The following AKAP13 variants were observed in gnomAD, a reference collection of about 807,000 sequenced individuals.
The protein encoded by AKAP13 is A-kinase anchor protein 13.
AKAP13 carries 80 observed loss-of-function variants against 264.5 expected under a neutral mutation model. That is an observed-to-expected ratio of 0.30 (90% CI 0.25 to 0.36). AKAP13 has a LOEUF of 0.36. Among genes scored for constraint, AKAP13 ranks in the 10% least tolerant of loss-of-function variants. The pLI is 1.00. For missense variants in AKAP13, 3,712 were observed against 3,435.2 expected (o/e 1.08, Z -2.01); for synonymous variants, 1,380 against 1,250.2 (o/e 1.10, Z -2.19).
intron 9 of AKAP13, among the ~76,000 whole-genome samples, chr15:85,643,446 T>G (rs1237991754): frequency 6.6e-6 from 1 of 152,212 alleles, no homozygotes; most frequent in Non-Finnish European, 1.5e-5. Flanking sequence ...ATTCAGTGAT[T>G]ATCACTAATT....
chr15:85,662,189 G>A (rs1044114672), intron 12 of AKAP13, among the ~76,000 whole-genome samples: 2 of 152,156 alleles, frequency 1.3e-5, no homozygotes, highest in Admixed American at 6.5e-5. Flanking sequence ...GTCTAGACAA[G>A]AAGAAAATAT....
intron 4 of AKAP13, chr15:85,534,093 G>A (rs1424280660): frequency 3.8e-6 from 2 of 520,370 alleles, no homozygotes; most frequent in African/African-American, 1.9e-5. Flanking sequence ...ATGACCCTAG[G>A]GATTACCCAA....
intron 1 of AKAP13, among the ~76,000 whole-genome samples, chr15:85,480,104 CAG>C (rs1285326681): frequency 6.6e-6 from 1 of 152,086 alleles, no homozygotes; most frequent in African/African-American, 2.4e-5. Flanking sequence ...AATTAAGAAA[CAG>C]ATTATTTAGG....
intron 1 of AKAP13, among the ~76,000 whole-genome samples, chr15:85,424,744 T>C (rs2072691028): frequency 6.6e-6 from 1 of 152,230 alleles, no homozygotes; most frequent in Non-Finnish European, 1.5e-5. Context: ...CCTTCCTTGC[T>C]AACCTTAATT....
At chr15:85,590,197 C>A (rs1379792303) in intron 8 of AKAP13, among the ~76,000 whole-genome samples, 1 of 152,178 alleles carries the variant, frequency 6.6e-6, no homozygotes, top group Non-Finnish European at 1.5e-5. Flanking sequence ...ATTCCTGTAT[C>A]TTATGCTTTG....
intron 3 of AKAP13, among the ~76,000 whole-genome samples, chr15:85,529,605 T>G (rs2077186256): frequency 6.6e-6 from 1 of 152,154 alleles, no homozygotes; most frequent in Admixed American, 6.5e-5. Flanking sequence ...AAATGCTGAT[T>G]TACCCCCCAG....
intron 4 of AKAP13, among the ~76,000 whole-genome samples, chr15:85,537,223 A>G (rs1055209124): frequency 5.9e-5 from 9 of 152,064 alleles, no homozygotes; most frequent in South Asian, 4.2e-4. Flanking sequence ...GTTGAGGGAC[A>G]AATGTAATGG....
intron 1 of AKAP13, among the ~76,000 whole-genome samples, chr15:85,431,046 T>G (rs1269707641): frequency 2.0e-5 from 3 of 152,178 alleles, no homozygotes; most frequent in Non-Finnish European, 4.4e-5. Flanking sequence ...TAATGAGAGA[T>G]AAAGGTCATA....
chr15:85,387,479 C>G (rs1183122993), intron 1 of AKAP13, among the ~76,000 whole-genome samples: 6 of 152,224 alleles, frequency 3.9e-5, no homozygotes, highest in Non-Finnish European at 8.8e-5. Flanking sequence ...CACAGTCATG[C>G]ACTACCTGGC....
At chr15:85,559,334 C>A (rs1376821696) in intron 5 of AKAP13, among the ~76,000 whole-genome samples, 1 of 152,000 alleles carries the variant, frequency 6.6e-6, no homozygotes, top group Non-Finnish European at 1.5e-5. Flanking sequence ...AAATAGAAAT[C>A]TCTATTTCAG....
At chr15:85,452,083 G>A (rs186460219) in intron 1 of AKAP13, among the ~76,000 whole-genome samples, 4 of 151,706 alleles carry the variant, frequency 2.6e-5, no homozygotes, top group South Asian at 4.2e-4. Context: ...CTTTATTTCC[G>A]TCTGTCTTAT....
In AKAP13 at chr15:85,558,651, A is replaced by T. The variant is rs2078237179; in HGVS notation, c.662+14696A>T. The stretch of plus-strand genomic sequence containing the variant: ...GTATGGAACACATCGCTTCTCCATT[A>T]AGTTGGAAGCTTGTTAATCAGCTGA... On this transcript the variant is annotated intron_variant, in intron 5 of 36. Coordinates refer to ENST00000394518, the MANE Select transcript of AKAP13 (RefSeq NM_007200.5). 1.3e-5 allele frequency among the ~76,000 whole-genome samples: 2 copies of T among 152,220 alleles called. 1 individual carries two copies. The highest frequency in any genetic ancestry group is 4.1e-4 in the South Asian group (2 of 4,830).
At chr15:85,554,633 G>A (rs1596511054) in intron 5 of AKAP13, among the ~76,000 whole-genome samples, 1 of 150,996 alleles carries the variant, frequency 6.6e-6, no homozygotes, top group South Asian at 2.1e-4. Context: ...TTCTTTTTTG[G>A]TTCATTAGAA....
chr15:85,674,357 C>A (rs183270296), intron 14 of AKAP13, among the ~76,000 whole-genome samples: 1 of 152,162 alleles, frequency 6.6e-6, no homozygotes, highest in Non-Finnish European at 1.5e-5. Flanking sequence ...TGTGTATAAG[C>A]TGTATATGAA....
chr15:85,478,176 T>C (rs2075236938), intron 1 of AKAP13, among the ~76,000 whole-genome samples: 3 of 152,252 alleles, frequency 2.0e-5, no homozygotes, highest in Admixed American at 2.0e-4. Flanking sequence ...GAACCACATA[T>C]TATTTATTGC....
intron 1 of AKAP13, among the ~76,000 whole-genome samples, chr15:85,409,688 C>T (rs867818654): frequency 4.8e-5 from 7 of 145,120 alleles, no homozygotes; most frequent in Admixed American, 1.4e-4. Context: ...TGGAGTGCAG[C>T]GGTGCGATCT....
At chr15:85,627,761 G>A (rs56153788) in intron 8 of AKAP13, 23,854 of 152,174 alleles carry the variant, frequency 0.16, 2,239 homozygotes, top group Non-Finnish European at 0.22. Context: ...CGATTGTGAC[G>A]TAGTGTGCAC....
chr15:85,707,811 A>G (rs2151689058), intron 17 of AKAP13, among the ~76,000 whole-genome samples: 1 of 152,108 alleles, frequency 6.6e-6, no homozygotes, highest in South Asian at 2.1e-4. Context: ...GAAAAAAAAA[A>G]AATCACATCT....
intron 8 of AKAP13, among the ~76,000 whole-genome samples, chr15:85,619,120 G>A (rs76602785): frequency 0.013 from 1,996 of 152,170 alleles, 62 homozygotes; most frequent in African/African-American, 0.046. Flanking sequence ...GCTGCATCTT[G>A]CAATGCCTGA....
Sources: allele counts gnomAD v4.1 joint callset (sites outside exome capture counted in the v4.1 genomes callset), GRCh38; gene constraint gnomAD v4.1.1; transcripts MANE v1.5; gene names NCBI Gene and HGNC (gene_info 2026-07-23, HGNC 2026-07-21).